The following TBC1D19 variants were observed in gnomAD, a reference collection of about 807,000 sequenced individuals.
TBC1D19 encodes TBC1 domain family, member 19.
In TBC1D19, 60 loss-of-function variants were observed where a neutral mutation model predicts 89.0. That is an observed-to-expected ratio of 0.67 (90% CI 0.55 to 0.84). The LOEUF (loss-of-function observed/expected upper bound fraction) is 0.84. Ranked by LOEUF, TBC1D19 falls within the 40% of genes least tolerant of loss-of-function variation. The pLI, the probability that TBC1D19 is intolerant of heterozygous loss-of-function variation, is 0.00. For synonymous variants in TBC1D19, 189 were observed against 199.7 expected, an observed-to-expected ratio of 0.95 and a Z score of 0.45; for missense variants, 500 against 610.8, an observed-to-expected ratio of 0.82 and a Z score of 1.91.
chr4:26,707,372 T>C (rs1370618190), intron 13 of TBC1D19, among the ~76,000 whole-genome samples: 2 of 152,190 alleles, frequency 1.3e-5, no homozygotes, highest in Non-Finnish European at 2.9e-5. Context: ...TTTTGGTTAC[T>C]ATTTGCATGG....
chr4:26,584,608 G>A (rs1302334847), intron 1 of TBC1D19, among the ~76,000 whole-genome samples: 1 of 152,260 alleles, frequency 6.6e-6, no homozygotes, highest in East Asian at 1.9e-4. Flanking sequence ...TATTCCTGTA[G>A]TCATTTACAG....
intron 7 of TBC1D19, among the ~76,000 whole-genome samples, chr4:26,654,707 G>A (rs187382560): frequency 3.5e-4 from 54 of 152,268 alleles, no homozygotes; most frequent in Admixed American, 8.5e-4. Context: ...TAGTTCTCGT[G>A]CCTTGGTTTT....
chr4:26,849,280 A>G, the TBC1D19 span, among the ~76,000 whole-genome samples: 3 of 152,160 alleles, frequency 2.0e-5, no homozygotes, highest in African/African-American at 7.2e-5. Flanking sequence ...TTCACATGAA[A>G]ATGTTGAACA....
intron 13 of TBC1D19, among the ~76,000 whole-genome samples, chr4:26,691,430 T>A (rs1178801625): frequency 1.3e-5 from 2 of 152,172 alleles, no homozygotes; most frequent in Non-Finnish European, 2.9e-5. Flanking sequence ...AGTCTATCAA[T>A]GCAGCAAATT....
intron 15 of TBC1D19, among the ~76,000 whole-genome samples, chr4:26,725,829 C>T (rs1366024010): frequency 1.3e-5 from 2 of 152,008 alleles, no homozygotes; most frequent in Non-Finnish European, 2.9e-5. Context: ...ATATCTAGCA[C>T]CTAGAATCAT....
upstream of TBC1D19, among the ~76,000 whole-genome samples, chr4:26,580,855 A>G (rs538267553): frequency 1.3e-5 from 2 of 152,324 alleles, no homozygotes; most frequent in South Asian, 4.1e-4. Context: ...CAACCTTGCC[A>G]TGTGATACCA....
At chr4:26,664,729 A>C (rs901592863) in intron 8 of TBC1D19, among the ~76,000 whole-genome samples, 4 of 151,876 alleles carry the variant, frequency 2.6e-5, no homozygotes, top group African/African-American at 9.7e-5. Context: ...CCCAGCTCGA[A>C]TGCCTGGGTT....
intron 1 of TBC1D19, chr4:26,576,963 T>A: frequency 2.4e-6 from 1 of 411,838 alleles, no homozygotes; most frequent in Non-Finnish European, 4.9e-6. Flanking sequence ...TTTTTGTAGA[T>A]GTGAAAAACA....
intron 9 of TBC1D19, among the ~76,000 whole-genome samples, chr4:26,666,632 A>G (rs2109092928): frequency 6.6e-6 from 1 of 152,126 alleles, no homozygotes; most frequent in Non-Finnish European, 1.5e-5. Flanking sequence ...ATGATTTTGA[A>G]AAGTCATTAG....
the TBC1D19 span, among the ~76,000 whole-genome samples, chr4:26,793,455 T>C: frequency 1.3e-5 from 2 of 152,196 alleles, no homozygotes; most frequent in African/African-American, 4.8e-5. Flanking sequence ...CTGGGCACAG[T>C]GGCTCATGCC....
At chr4:26,834,547 G>A in the TBC1D19 span, among the ~76,000 whole-genome samples, 7 of 152,088 alleles carry the variant, frequency 4.6e-5, no homozygotes, top group Admixed American at 2.0e-4. Context: ...GTGGCTATGG[G>A]GGGCGGGGGT....
chr4:26,587,787 T>A (rs1209507385), intron 1 of TBC1D19, among the ~76,000 whole-genome samples: 1 of 151,728 alleles, frequency 6.6e-6, no homozygotes, highest in Non-Finnish European at 1.5e-5. Context: ...GTTTTCTTTA[T>A]GGACACATTT....
chr4:26,780,057 C>T, the TBC1D19 span, among the ~76,000 whole-genome samples: 78 of 152,250 alleles, frequency 5.1e-4, 2 homozygotes, highest in South Asian at 0.015. Flanking sequence ...TCTGAGATGG[C>T]GAAACACTTA....
At chr4:26,798,321 C>T in the TBC1D19 span, among the ~76,000 whole-genome samples, 1 of 152,096 alleles carries the variant, frequency 6.6e-6, no homozygotes, top group Non-Finnish European at 1.5e-5. Context: ...CACTAATTAT[C>T]AGAGAAATGC....
chr4:26,855,877 G>A, the TBC1D19 span, among the ~76,000 whole-genome samples: 3 of 152,148 alleles, frequency 2.0e-5, no homozygotes, highest in East Asian at 1.9e-4. Context: ...GACAAATATT[G>A]TGTATATTTA....
chr4:26,704,430 T>A (rs563366048), intron 13 of TBC1D19, among the ~76,000 whole-genome samples: 2 of 152,330 alleles, frequency 1.3e-5, no homozygotes, highest in East Asian at 3.9e-4. Flanking sequence ...TTCCATCATA[T>A]GCTTGGTTTA....
chr4:26,618,584 G>A (rs1384938385), intron 3 of TBC1D19, among the ~76,000 whole-genome samples: 2 of 152,156 alleles, frequency 1.3e-5, no homozygotes, highest in Non-Finnish European at 2.9e-5. Flanking sequence ...GCATTTGGGT[G>A]CCATTTAAAA....
intron 13 of TBC1D19, among the ~76,000 whole-genome samples, chr4:26,690,633 C>G (rs1320127276): frequency 6.6e-6 from 1 of 152,148 alleles, no homozygotes. Context: ...ACAAGAAAGC[C>G]TAGATGACAG....
At chr4:26,678,282 A>G (rs991692562) in intron 11 of TBC1D19, among the ~76,000 whole-genome samples, 3 of 152,236 alleles carry the variant, frequency 2.0e-5, no homozygotes, top group Admixed American at 6.5e-5. Flanking sequence ...TCCCTGCCCT[A>G]GAGATCTGTG....
Sources: gnomAD v4.1 joint callset for allele counts (sites outside exome capture counted in the v4.1 genomes callset) on GRCh38, gnomAD v4.1.1 for gene constraint, MANE v1.5 for transcripts, NCBI Gene and HGNC (gene_info 2026-07-23, HGNC 2026-07-21) for gene names.